The following TSC22D1 variants were observed in gnomAD, a reference collection of about 807,000 sequenced individuals.
TSC22D1 encodes TSC22 domain family protein 1.
TSC22D1 carries 9 observed loss-of-function variants against 74.2 expected under a neutral mutation model. That is an observed-to-expected ratio of 0.12 (90% CI 0.07 to 0.21). The LOEUF is 0.21. TSC22D1 is among the 10% of genes least tolerant of loss of function. The pLI, the probability that TSC22D1 is intolerant of heterozygous loss-of-function variation, is 1.00. For missense variants in TSC22D1, 1,427 were observed against 1,304.7 expected (o/e 1.09, Z -1.44); for synonymous variants, 586 against 492.5 (o/e 1.19, Z -2.51).
intron 1 of TSC22D1, among the ~76,000 whole-genome samples, chr13:44,511,610 AAAAAG>A (rs1879717833): frequency 8.1e-6 from 1 of 123,964 alleles, no homozygotes; most frequent in East Asian, 2.5e-4. Context: ...CTTTCTGAAT[AAAAAG>A]AAATACACAC....
intron 1 of TSC22D1, among the ~76,000 whole-genome samples, chr13:44,533,067 T>A (rs564623144): frequency 8.5e-5 from 13 of 152,244 alleles, no homozygotes; most frequent in African/African-American, 3.1e-4. Context: ...TGGATACCAA[T>A]TATCTTGCAT....
chr13:44,511,958 TACCTTCA>T (rs1879744769), intron 1 of TSC22D1, among the ~76,000 whole-genome samples: 1 of 152,202 alleles, frequency 6.6e-6, no homozygotes, highest in Admixed American at 6.5e-5. Flanking sequence ...CCAAAAGTTG[TACCTTCA>T]ACCTTCTGCT....
intron 1 of TSC22D1, among the ~76,000 whole-genome samples, chr13:44,528,705 C>A (rs1227461274): frequency 2.6e-5 from 4 of 151,878 alleles, no homozygotes; most frequent in Non-Finnish European, 4.4e-5. Context: ...GAAAAATCAA[C>A]AAAACCAAAA....
rs1362174446 is a variant in TSC22D1 at position 44,434,539 on chromosome 13, G to C, written c.*87C>G. On this transcript the variant is annotated 3_prime_UTR_variant, in exon 3 of 3. Transcript: ENST00000458659. ...TCTTTCGCAGCGAGCAATGAAATGG[G>C]TGACTGTGGAGGCAGATTCTCCCTA... is the stretch of plus-strand genomic sequence containing the variant. The C allele has an allele frequency of 6.8e-7, 1 of 1,473,260 alleles. No homozygotes were observed. Among genetic ancestry groups the C allele is most frequent in the African/African-American group, 1.4e-5 (1 of 70,284 alleles). 91.3% of individuals were successfully genotyped at this position (1,473,260 alleles called of 1,614,324 possible).
chr13:44,569,329 G>A (rs74425941), intron 1 of TSC22D1, among the ~76,000 whole-genome samples: 938 of 134,358 alleles, frequency 7.0e-3, no homozygotes, highest in South Asian at 9.6e-3. Context: ...CATATCTAGT[G>A]GTAAGACAAG....
chr13:44,517,850 TATATA>T (rs1566149899), intron 1 of TSC22D1, among the ~76,000 whole-genome samples: 4 of 38,420 alleles, frequency 1.0e-4, no homozygotes, highest in Non-Finnish European at 1.4e-4. Flanking sequence ...TATATATATA[TATATA>T]TATTTTTTTT....
intron 1 of TSC22D1, among the ~76,000 whole-genome samples, chr13:44,496,125 A>G (rs752592449): frequency 1.3e-5 from 2 of 152,242 alleles, no homozygotes; most frequent in African/African-American, 4.8e-5. Context: ...ACACAACTCA[A>G]TTAAAAAATG....
At position 44,433,916 on chromosome 13, in the gene TSC22D1, G is replaced by C. The variant is rs1291923064; in HGVS notation, c.*710C>G. On this transcript the variant is annotated 3_prime_UTR_variant, in exon 3 of 3. Coordinates refer to ENST00000458659, the MANE Select transcript of TSC22D1 (RefSeq NM_183422.4). ...CAATGAAACAACTAAATTTCAATCTGTACAACCTAAATAGTAGTTACAGTC... is the reference window on the plus strand; with the variant it reads ...CAATGAAACAACTAAATTTCAATCTCTACAACCTAAATAGTAGTTACAGTC... 1 of 1,443,796 alleles carries C rather than the reference G, an allele frequency of 6.9e-7. No homozygotes were observed. The allele number at this position is 1,443,796 out of a possible 1,614,324, so 89.4% of individuals were successfully genotyped here.
At position 44,575,652 on chromosome 13, in the gene TSC22D1, C is replaced by T; in HGVS notation, c.423G>A (p.Leu141=). 1 of 1,614,186 alleles carries T rather than the reference C, an allele frequency of 6.2e-7. No individual in the cohort carries two copies. The highest frequency in any genetic ancestry group is 8.5e-7 in the Non-Finnish European group (1 of 1,180,036). ...IAEDTESYDD[L]DESHTEDLSS... is the part of the protein sequence containing the mutation. The stretch of plus-strand genomic sequence containing the variant: ...AGAGATCTTCCGTGTGAGATTCATC[C>T]AGATCATCATAGCTCTCAGTGTCCT... The change falls in exon 1 of 3, where the codon CTG becomes CTA. Residue 141 remains leucine, a synonymous_variant. Transcript: ENST00000458659.
At chr13:44,499,016 A>C (rs547686357) in intron 1 of TSC22D1, among the ~76,000 whole-genome samples, 1 of 152,246 alleles carries the variant, frequency 6.6e-6, no homozygotes, top group African/African-American at 2.4e-5. Context: ...AAAATCCTTT[A>C]ATTAGTTTAG....
At chr13:44,560,988 C>T (rs902786321) in intron 1 of TSC22D1, among the ~76,000 whole-genome samples, 1 of 152,090 alleles carries the variant, frequency 6.6e-6, no homozygotes, top group African/African-American at 2.4e-5. Flanking sequence ...GATAACAAAG[C>T]TAGTAAACAT....
At chr13:44,533,234 A>C (rs1025302825) in intron 1 of TSC22D1, among the ~76,000 whole-genome samples, 1 of 151,302 alleles carries the variant, frequency 6.6e-6, no homozygotes, top group Admixed American at 6.6e-5. Flanking sequence ...GCTGAGGTGG[A>C]TGGATCACTT....
intron 1 of TSC22D1, chr13:44,536,598 TA>T (rs1050688503): frequency 2.7e-6 from 1 of 372,270 alleles, no homozygotes; most frequent in Non-Finnish European, 3.7e-6. Flanking sequence ...CATAGTTCTC[TA>T]ATCAGCCATT....
chr13:44,494,691 T>A (rs1878884873), intron 1 of TSC22D1, among the ~76,000 whole-genome samples: 2 of 152,032 alleles, frequency 1.3e-5, no homozygotes, highest in Admixed American at 6.6e-5. Context: ...TAATAAAATG[T>A]CCAGTTTTCA....
intron 1 of TSC22D1, among the ~76,000 whole-genome samples, chr13:44,549,193 T>TATC (rs1882031586): frequency 6.6e-6 from 1 of 152,188 alleles, no homozygotes; most frequent in Non-Finnish European, 1.5e-5. Flanking sequence ...GTCATTGCCT[T>TATC]ATCTCAACTT....
chr13:44,519,459 C>T (rs187493613), intron 1 of TSC22D1, among the ~76,000 whole-genome samples: 1 of 152,164 alleles, frequency 6.6e-6, no homozygotes. Context: ...ATGGAGTATA[C>T]ATGGCACAAT....
Position 44,433,900 on chromosome 13 carries a change from A to T in TSC22D1, c.*726T>A. 7.4e-7 allele frequency: 1 copy of T among 1,345,916 alleles called. No individual in the cohort carries two copies. Among genetic ancestry groups the T allele is most frequent in the South Asian group, 1.4e-5 (1 of 69,308 alleles). 83.4% of individuals were successfully genotyped at this position (1,345,916 alleles called of 1,614,324 possible). A position where few individuals can be genotyped will look rare whatever the true frequency, so the allele number is the denominator to read the frequency against. ...CACCTCCTCAGACAGCCAATGAAAC[A>T]ACTAAATTTCAATCTGTACAACCTA... On this transcript the variant is annotated 3_prime_UTR_variant, in exon 3 of 3. Coordinates refer to ENST00000458659, the MANE Select transcript of TSC22D1 (RefSeq NM_183422.4).
At chr13:44,517,035 T>A (rs1467579182) in intron 1 of TSC22D1, among the ~76,000 whole-genome samples, 3 of 152,212 alleles carry the variant, frequency 2.0e-5, no homozygotes. Flanking sequence ...TGATCCATCA[T>A]GTTCCCTTCC....
chr13:44,536,687 A>G, intron 1 of TSC22D1: 1 of 949,046 alleles, frequency 1.1e-6, no homozygotes, highest in Non-Finnish European at 1.3e-6. Flanking sequence ...TCAATCTAGC[A>G]TTAAAAGACT....
Sources: gnomAD v4.1 joint callset for allele counts (sites outside exome capture counted in the v4.1 genomes callset) on GRCh38, gnomAD v4.1.1 for gene constraint, MANE v1.5 for transcripts, NCBI Gene and HGNC (gene_info 2026-07-23, HGNC 2026-07-21) for gene names.